Variants in GSE1 observed in about 807,000 individuals in gnomAD.
The protein encoded by GSE1 is Gse1 coiled-coil protein, also known as genetic suppressor element 1.
GSE1 carries 32 observed loss-of-function variants against 112.6 expected under a neutral mutation model. That is an observed-to-expected ratio of 0.28 (90% CI 0.21 to 0.38). The LOEUF is 0.38. Ranked by LOEUF, GSE1 falls within the 10% of genes least tolerant of loss-of-function variation. The pLI, the probability that GSE1 is intolerant of heterozygous loss-of-function variation, is 1.00. For missense variants in GSE1, 2,348 were observed against 1,699.2 expected, an observed-to-expected ratio of 1.38 and a Z score of -6.71; for synonymous variants, 1,115 against 735.6, an observed-to-expected ratio of 1.52 and a Z score of -8.35.
intron 2 of GSE1, among the ~76,000 whole-genome samples, chr16:85,528,636 GTTTTTTGTTT>G: frequency 8.2e-6 from 1 of 122,266 alleles, no homozygotes; most frequent in Non-Finnish European, 1.8e-5. Flanking sequence ...GTGGATTGCT[GTTTTTTGTTT>G]TGTTTTGTTT....
chr16:85,616,098 C>A (rs2048354477), intron 1 of GSE1, among the ~76,000 whole-genome samples: 1 of 152,252 alleles, frequency 6.6e-6, no homozygotes, highest in Non-Finnish European at 1.5e-5. Context: ...ATCGCCGGCC[C>A]CAGGAAGAGC....
At chr16:85,388,027 G>A (rs1359160420) in intron 2 of GSE1, among the ~76,000 whole-genome samples, 230 of 123,392 alleles carry the variant, frequency 1.9e-3, no homozygotes, top group Non-Finnish European at 2.9e-3. Flanking sequence ...TGGATGGATG[G>A]ATGGATGAAC....
chr16:85,508,441 G>A (rs2051615923), intron 2 of GSE1, among the ~76,000 whole-genome samples: 1 of 152,174 alleles, frequency 6.6e-6, no homozygotes, highest in African/African-American at 2.4e-5. Flanking sequence ...GAGGTGAGTT[G>A]GGACAGGATG....
At chr16:85,308,424 C>T (rs115976835) in intron 1 of GSE1, among the ~76,000 whole-genome samples, 3 of 152,118 alleles carry the variant, frequency 2.0e-5, no homozygotes, top group South Asian at 2.1e-4. Flanking sequence ...TGGCAATCCT[C>T]GAACATCAGT....
intron 1 of GSE1, among the ~76,000 whole-genome samples, chr16:85,219,269 C>T (rs995170050): frequency 6.6e-6 from 1 of 151,916 alleles, no homozygotes; most frequent in Non-Finnish European, 1.5e-5. Flanking sequence ...CTGCCTTGGC[C>T]TCCGAAAGTG....
At chr16:85,269,599 G>C (rs74031759) in intron 1 of GSE1, among the ~76,000 whole-genome samples, 15,197 of 149,088 alleles carry the variant, frequency 0.1, 1,854 homozygotes, top group African/African-American at 0.19. Flanking sequence ...CTGACTCCCC[G>C]GTGCTGCCTC....
chr16:85,654,726 C>T lies in GSE1; in HGVS notation c.600-68C>T, dbSNP rs1292923723. The T allele has an allele frequency of 1.2e-5, 11 of 950,878 alleles. No individual in the cohort carries two copies. The Admixed American group carries it at 2.2e-4, about 19-fold the overall frequency. 58.9% of individuals were successfully genotyped at this position (950,878 alleles called of 1,614,324 possible). ...GCCAGGGGTGATGCAGGGAGTTTAGCCGTCCCCCCATGCAGGAGCAGGTGT... is the reference window on the plus strand; with the variant it reads ...GCCAGGGGTGATGCAGGGAGTTTAGTCGTCCCCCCATGCAGGAGCAGGTGT... On this transcript the variant is annotated intron_variant, in intron 4 of 15. Transcript: ENST00000253458.
chr16:85,178,730 C>A (rs2143255985), intron 1 of GSE1, among the ~76,000 whole-genome samples: 1 of 152,050 alleles, frequency 6.6e-6, no homozygotes, highest in South Asian at 2.1e-4. Context: ...CAGCAGTGAG[C>A]AACCAGGCAG....
chr16:85,398,755 G>C (rs561885428), intron 2 of GSE1, among the ~76,000 whole-genome samples: 21 of 152,260 alleles, frequency 1.4e-4, no homozygotes, highest in Non-Finnish European at 2.1e-4. Context: ...TGGGTTCCTG[G>C]GCTGGAAGAA....
intron 1 of GSE1, among the ~76,000 whole-genome samples, chr16:85,267,277 C>T (rs940700098): frequency 1.2e-4 from 18 of 152,212 alleles, no homozygotes; most frequent in Admixed American, 1.1e-3. Context: ...GGATAGCTAA[C>T]CTCCCCTGCC....
At chr16:85,572,007 A>G (rs932899476) in intron 1 of GSE1, among the ~76,000 whole-genome samples, 2 of 151,908 alleles carry the variant, frequency 1.3e-5, no homozygotes, top group South Asian at 2.1e-4. Flanking sequence ...GTGTCTAGTG[A>G]TGCATACGTA....
intron 1 of GSE1, among the ~76,000 whole-genome samples, chr16:85,231,130 AAGGAT>A (rs1363317912): frequency 7.2e-5 from 10 of 138,814 alleles, no homozygotes; most frequent in African/African-American, 1.1e-4. Context: ...GGATGGATGG[AAGGAT>A]GGATGGATGG....
intron 1 of GSE1, among the ~76,000 whole-genome samples, chr16:85,578,202 TGGGAGGGCGGCACCG>T (rs2046308265): frequency 6.6e-6 from 1 of 152,244 alleles, no homozygotes; most frequent in Admixed American, 6.5e-5. Flanking sequence ...CGCTGACACC[TGGGAGGGCGGCACCG>T]GGACAGCTGC....
chr16:85,451,074 C>CAAAA (rs57839123), intron 2 of GSE1, among the ~76,000 whole-genome samples: 2 of 64,152 alleles, frequency 3.1e-5, no homozygotes, highest in Non-Finnish European at 5.5e-5. Context: ...AACGCCATCT[C>CAAAA]AAAAAAAAAA....
chr16:85,394,734 C>A (rs1027174193), intron 2 of GSE1, among the ~76,000 whole-genome samples: 1 of 152,224 alleles, frequency 6.6e-6, no homozygotes, highest in Non-Finnish European at 1.5e-5. Context: ...TCCGTCTCCC[C>A]CGAGAACATC....
At chr16:85,286,122 C>G (rs2045017582) in intron 1 of GSE1, among the ~76,000 whole-genome samples, 1 of 152,240 alleles carries the variant, frequency 6.6e-6, no homozygotes, top group Admixed American at 6.5e-5. Flanking sequence ...GCATGTGTGC[C>G]TCTTGCCCAG....
intron 2 of GSE1, among the ~76,000 whole-genome samples, chr16:85,488,156 C>T (rs2050902171): frequency 6.6e-6 from 1 of 152,194 alleles, no homozygotes; most frequent in South Asian, 2.1e-4. Context: ...ATGGGGTTGG[C>T]TTCTGGAGGG....
intron 2 of GSE1, among the ~76,000 whole-genome samples, chr16:85,517,463 C>T (rs36112113): frequency 0.095 from 14,483 of 152,252 alleles, 900 homozygotes; most frequent in Middle Eastern, 0.15. Context: ...TATGTGTGAT[C>T]TTGTGATGGG....
At chr16:85,505,668 A>G (rs893905987) in intron 2 of GSE1, among the ~76,000 whole-genome samples, 1 of 152,048 alleles carries the variant, frequency 6.6e-6, no homozygotes, top group African/African-American at 2.4e-5. Context: ...CACCCCTAAT[A>G]CATGATTGTG....
Sources: gnomAD v4.1 joint callset for allele counts (sites outside exome capture counted in the v4.1 genomes callset) on GRCh38, gnomAD v4.1.1 for gene constraint, MANE v1.5 for transcripts, NCBI Gene and HGNC (gene_info 2026-07-23, HGNC 2026-07-21) for gene names.